NHSL1: variants seen among roughly 807,000 people sequenced by gnomAD.
The protein encoded by NHSL1 is NHS like 1, also known as NHS-like protein 1.
NHSL1 carries 48 observed loss-of-function variants against 95.0 expected under a neutral mutation model. That is an observed-to-expected ratio of 0.51 (90% confidence interval 0.40 to 0.64). The LOEUF is 0.64. Among genes scored for constraint, NHSL1 ranks in the 30% least tolerant of loss-of-function variants. NHSL1 has a pLI of 0.00. For missense variants in NHSL1, 1,971 were observed against 2,077.7 expected, an observed-to-expected ratio of 0.95 and a Z score of 1.00; for synonymous variants, 783 against 833.9, an observed-to-expected ratio of 0.94 and a Z score of 1.05.
At position 138,447,250 on chromosome 6, in the gene NHSL1, T is replaced by C; in HGVS notation, c.340-57A>G. On this transcript the variant is annotated intron_variant, in intron 3 of 7. Coordinates refer to ENST00000343505, the MANE Select transcript of NHSL1 (RefSeq NM_001144060.2). ...GTATAAAGAGCTGGCAGAAACATTT[T>C]AAAATATATTTCTTATTTTTAAAAA... 9 of 1,367,014 alleles carry C rather than the reference T, an allele frequency of 6.6e-6. No homozygotes were observed. In the South Asian group the frequency reaches 1.2e-4, roughly 19 times the overall value. 84.7% of individuals were successfully genotyped at this position (1,367,014 alleles called of 1,614,324 possible). A position where few individuals can be genotyped will look rare whatever the true frequency, so the allele number is the denominator to read the frequency against.
chr6:138,546,196 G>A (rs1463757244), upstream of NHSL1, among the ~76,000 whole-genome samples: 1 of 151,776 alleles, frequency 6.6e-6, no homozygotes, highest in Non-Finnish European at 1.5e-5. Flanking sequence ...GCACTCTGTT[G>A]TCTGAGTCTA....
chr6:138,499,485 C>A lies in NHSL1; in HGVS notation c.-195G>T. Reference sequence around the variant, plus strand: ...CAGGCAGTTACAAACCATTAACAGTCCTTGAACCTGAAAAACTCCTACTGA... The same window carrying A: ...CAGGCAGTTACAAACCATTAACAGTACTTGAACCTGAAAAACTCCTACTGA... On this transcript the variant is annotated 5_prime_UTR_variant, in exon 1 of 8. Coordinates refer to ENST00000343505, the MANE Select transcript of NHSL1 (RefSeq NM_001144060.2). The A allele has an allele frequency of 7.8e-7, 1 of 1,275,214 alleles. No individual in the cohort carries two copies. Among genetic ancestry groups the A allele is most frequent in the Non-Finnish European group, 1.0e-6 (1 of 983,486 alleles). 79.0% of individuals were successfully genotyped at this position (1,275,214 alleles called of 1,614,324 possible).
intron 1 of NHSL1, among the ~76,000 whole-genome samples, chr6:138,667,369 C>T (rs953222358): frequency 1.3e-5 from 2 of 152,144 alleles, no homozygotes; most frequent in Non-Finnish European, 2.9e-5. Flanking sequence ...CTAAGAACTG[C>T]TTTCTACTCT....
At chr6:138,495,259 C>A (rs894853906) in intron 2 of NHSL1, among the ~76,000 whole-genome samples, 48 of 152,132 alleles carry the variant, frequency 3.2e-4, no homozygotes, top group African/African-American at 9.9e-4. Flanking sequence ...AAAAACAAAC[C>A]ACAATGAACT....
intron 5 of NHSL1, among the ~76,000 whole-genome samples, chr6:138,435,752 A>T (rs572034747): frequency 2.0e-5 from 3 of 150,006 alleles, no homozygotes; most frequent in African/African-American, 7.4e-5. Flanking sequence ...TTTTTTTTAC[A>T]AGTCGAAGGT....
intron 1 of NHSL1, among the ~76,000 whole-genome samples, chr6:138,613,834 C>T (rs1468105112): frequency 7.2e-5 from 11 of 152,144 alleles, no homozygotes; most frequent in Non-Finnish European, 1.2e-4. Flanking sequence ...CAGTCGTCGG[C>T]CCACATTTAG....
intron 1 of NHSL1, among the ~76,000 whole-genome samples, chr6:138,657,622 G>GCTAA (rs747479033): frequency 2.6e-5 from 4 of 151,860 alleles, no homozygotes; most frequent in Admixed American, 6.6e-5. Context: ...GACCATCCTG[G>GCTAA]CTAACACGGT....
chr6:138,522,145 T>G (rs1021218347), intron 1 of NHSL1, among the ~76,000 whole-genome samples: 4 of 152,218 alleles, frequency 2.6e-5, no homozygotes, highest in African/African-American at 7.2e-5. Context: ...TCAGATGCAC[T>G]GAAGAGGAGG....
rs573919172 is a variant in NHSL1 at position 138,620,277 on chromosome 6, T to A, written c.96+72199A>T. On this transcript the variant is annotated intron_variant, in intron 1 of 3. Transcript: ENST00000491526. Reference sequence around the variant, plus strand: ...TCATGACCTAAATGGTCTGAAACAATTTGTCAACAGATCAACATCTGAGAA... The same window carrying A: ...TCATGACCTAAATGGTCTGAAACAAATTGTCAACAGATCAACATCTGAGAA... Among the ~76,000 whole-genome samples the A allele has an allele frequency of 2.7e-3, 405 of 152,234 alleles. 3 individuals are homozygous for A. Among genetic ancestry groups the A allele is most frequent in the African/African-American group, 9.3e-3 (385 of 41,548 alleles).
intron 7 of NHSL1, among the ~76,000 whole-genome samples, chr6:138,427,589 T>G (rs964673113): frequency 6.6e-6 from 1 of 152,180 alleles, no homozygotes; most frequent in Non-Finnish European, 1.5e-5. Flanking sequence ...GAATATGTAT[T>G]TTTAATGAAG....
chr6:138,678,037 C>T (rs1034647162), intron 1 of NHSL1, among the ~76,000 whole-genome samples: 1 of 152,174 alleles, frequency 6.6e-6, no homozygotes, highest in Admixed American at 6.5e-5. Context: ...TATTGCAGAG[C>T]AGAGTAACAA....
At chr6:138,658,140 C>T (rs1230645236) in intron 1 of NHSL1, among the ~76,000 whole-genome samples, 1 of 152,132 alleles carries the variant, frequency 6.6e-6, no homozygotes, top group African/African-American at 2.4e-5. Context: ...ACCTCCTCCT[C>T]TGCCCTCAGC....
chr6:138,437,850 T>C (rs1012783647), intron 5 of NHSL1, among the ~76,000 whole-genome samples: 3 of 152,182 alleles, frequency 2.0e-5, no homozygotes, highest in African/African-American at 7.2e-5. Flanking sequence ...GAACTAGAGT[T>C]AGAAGTGGAG....
chr6:138,552,000 G>C (rs1783022675), intron 1 of NHSL1, among the ~76,000 whole-genome samples: 1 of 152,166 alleles, frequency 6.6e-6, no homozygotes, highest in South Asian at 2.1e-4. Flanking sequence ...CCATGGAGCA[G>C]TAAGGCAACT....
At chr6:138,560,025 C>T (rs1783354639) in intron 1 of NHSL1, among the ~76,000 whole-genome samples, 2 of 152,218 alleles carry the variant, frequency 1.3e-5, no homozygotes, top group Non-Finnish European at 2.9e-5. Flanking sequence ...AAAACATTCA[C>T]ACCATAGTTC....
intron 1 of NHSL1, among the ~76,000 whole-genome samples, chr6:138,551,853 C>G (rs2128333668): frequency 6.6e-6 from 1 of 152,272 alleles, no homozygotes; most frequent in East Asian, 1.9e-4. Flanking sequence ...ATCATCCGAG[C>G]CTGTATCCTG....
At chr6:138,469,725 T>C (rs1583242684) in intron 3 of NHSL1, among the ~76,000 whole-genome samples, 1 of 151,940 alleles carries the variant, frequency 6.6e-6, no homozygotes, top group East Asian at 1.9e-4. Flanking sequence ...CAGAGTGAGA[T>C]CCTGTCTCAA....
At position 138,442,010 on chromosome 6, in the gene NHSL1, C is replaced by T; in HGVS notation, c.637G>A (p.Val213Ile). 1 of 1,551,164 alleles carries T rather than the reference C, an allele frequency of 6.4e-7. No individual in the cohort carries two copies. Among genetic ancestry groups the T allele is most frequent in the Non-Finnish European group, 8.7e-7 (1 of 1,146,778 alleles). ...AGCTCCTTCTGTATGTTGTCAGGGA[C>T]TCCTGTAATAGTCTTTCTCCTTTTG... The part of the protein sequence containing the change: ...KVKRRKTITG[V>I]PDNIQKELAS... The change falls in exon 5 of 8, where the codon GTC becomes ATC. Residue 213 changes from valine to isoleucine, a missense_variant. Transcript: ENST00000343505.
At chr6:138,563,576 T>A (rs187179780) in intron 1 of NHSL1, among the ~76,000 whole-genome samples, 1 of 152,188 alleles carries the variant, frequency 6.6e-6, no homozygotes, top group Non-Finnish European at 1.5e-5. Context: ...ATACAATAGA[T>A]CGAATTTGTA....
Sources: allele counts gnomAD v4.1 joint callset (sites outside exome capture counted in the v4.1 genomes callset), GRCh38; gene constraint gnomAD v4.1.1; transcripts MANE v1.5; gene names NCBI Gene and HGNC (gene_info 2026-07-23, HGNC 2026-07-21).